The following CACNA2D2 variants were observed in gnomAD, a reference collection of about 807,000 sequenced individuals.
CACNA2D2 encodes the protein calcium voltage-gated channel auxiliary subunit alpha2delta 2, also known as voltage-dependent calcium channel subunit alpha-2/delta-2.
CACNA2D2 carries 48 observed loss-of-function variants against 166.4 expected under a neutral mutation model. The ratio of observed to expected loss-of-function variants is 0.29; its 90% CI spans 0.23 to 0.37. The LOEUF is 0.37. CACNA2D2 is among the 10% of genes least tolerant of loss of function. CACNA2D2 has a pLI of 1.00. For synonymous variants in CACNA2D2, 561 were observed against 573.7 expected (o/e 0.98, Z 0.32); for missense variants, 1,122 against 1,433.0 (o/e 0.78, Z 3.50).
chr3:50,475,488 T>C (rs1194629897), intron 2 of CACNA2D2, among the ~76,000 whole-genome samples: 2 of 152,058 alleles, frequency 1.3e-5, no homozygotes, highest in African/African-American at 4.8e-5. Context: ...CATCTCCACG[T>C]AGAGAGCAAT....
chr3:50,483,243 C>T (rs758983439), intron 1 of CACNA2D2, among the ~76,000 whole-genome samples: 3 of 152,156 alleles, frequency 2.0e-5, no homozygotes, highest in Non-Finnish European at 4.4e-5. Context: ...CCAGGAGCAC[C>T]GTCCCCATCT....
At position 50,379,679 on chromosome 3, in the gene CACNA2D2, C is replaced by T; in HGVS notation, c.993+46G>A. The T allele has an allele frequency of 1.2e-6, 2 of 1,612,360 alleles. No homozygotes were observed. Among genetic ancestry groups the T allele is most frequent in the South Asian group, 1.1e-5 (1 of 91,014 alleles). On this transcript the variant is annotated intron_variant, in intron 10 of 37. Transcript: ENST00000424201. The surrounding 1 kb of genome is among the most constrained non-coding windows in gnomAD (Gnocchi z 6.5). ...GCTGGTGATGGTCACAGGAGCAGGG[C>T]AGATGGGGTGACCCATTTCACCCCG...
At chr3:50,450,316 C>T (rs1177482565) in intron 2 of CACNA2D2, among the ~76,000 whole-genome samples, 2 of 151,796 alleles carry the variant, frequency 1.3e-5, no homozygotes, top group East Asian at 1.9e-4. Flanking sequence ...TGCAAATGGG[C>T]CCCAAGCCCC....
In CACNA2D2 at chr3:50,379,041, C is replaced by T; in HGVS notation, c.1261-48G>A. On this transcript the variant is annotated intron_variant, in intron 12 of 37. Coordinates refer to ENST00000424201, the MANE Select transcript of CACNA2D2 (RefSeq NM_006030.4). This position sits in a 1 kb window ranked among gnomAD's most constrained non-coding sequence, Gnocchi z 6.5. ...GCTGTGGCCACCAGGGGACAGCCCT[C>T]TTCTGTACTGGGCCCAGGTCAGGGT... 1 of 1,613,456 alleles carries T rather than the reference C, an allele frequency of 6.2e-7. No individual in the cohort carries two copies. Among genetic ancestry groups the T allele is most frequent in the Non-Finnish European group, 8.5e-7 (1 of 1,179,544 alleles).
At chr3:50,368,498 C>G (rs763644038) in intron 23 of CACNA2D2, among the ~76,000 whole-genome samples, 2 of 152,168 alleles carry the variant, frequency 1.3e-5, no homozygotes, top group African/African-American at 4.8e-5. Flanking sequence ...CAGAGCCTCC[C>G]GTCTCTCCGG....
At chr3:50,470,296 C>T (rs1203494066) in intron 2 of CACNA2D2, among the ~76,000 whole-genome samples, 1 of 152,198 alleles carries the variant, frequency 6.6e-6, no homozygotes, top group Non-Finnish European at 1.5e-5. Flanking sequence ...GAAGGGGACC[C>T]ATACCTGGCC....
At chr3:50,399,869 GGA>G in intron 3 of CACNA2D2, among the ~76,000 whole-genome samples, 1 of 152,260 alleles carries the variant, frequency 6.6e-6, no homozygotes, top group East Asian at 1.9e-4. Flanking sequence ...CCTTCTCCTA[GGA>G]GAGAGGATCA....
intron 24 of CACNA2D2, 68 bp downstream of exon 24, chr3:50,368,070 G>T: frequency 1.5e-6 from 2 of 1,299,958 alleles, no homozygotes; most frequent in Non-Finnish European, 2.2e-6. Flanking sequence ...CCGGCCTCTG[G>T]GTTCCTCTGG....
intron 3 of CACNA2D2, among the ~76,000 whole-genome samples, chr3:50,430,561 CCTT>C (rs1377453910): frequency 1.3e-5 from 2 of 152,232 alleles, no homozygotes; most frequent in Non-Finnish European, 2.9e-5. Context: ...CCGGGCCTGT[CCTT>C]CATCACTGCA....
Position 50,363,870 on chromosome 3 carries a change from G to A in CACNA2D2, c.*796C>T, listed in dbSNP as rs1704064951. 6.5e-6 allele frequency: 1 copy of A among 152,676 alleles called. No homozygotes were observed. Among genetic ancestry groups the A allele is most frequent in the Non-Finnish European group, 1.5e-5 (1 of 68,176 alleles). 9.5% of individuals were successfully genotyped at this position (152,676 alleles called of 1,614,324 possible). On this transcript the variant is annotated 3_prime_UTR_variant, in exon 38 of 38. Transcript: ENST00000424201. ...TTCAGCTTTAGAAATGGGAGGACCA[G>A]CCAGGCTGCAGCTCAGATTAGAGGC...
intron 22 of CACNA2D2, chr3:50,373,029 G>A (rs1157433723): frequency 6.5e-7 from 1 of 1,526,912 alleles, no homozygotes; most frequent in African/African-American, 1.4e-5. Context: ...GGGAGGGGTG[G>A]GAAGAGGAGG....
intron 22 of CACNA2D2, among the ~76,000 whole-genome samples, chr3:50,371,759 G>C (rs116702923): frequency 1.1e-4 from 17 of 152,138 alleles, no homozygotes; most frequent in Non-Finnish European, 2.2e-4. Flanking sequence ...GAAGGGGTTG[G>C]GGGGAAGAGG....
At chr3:50,392,695 G>T (rs544572840) in intron 4 of CACNA2D2, among the ~76,000 whole-genome samples, 2 of 152,336 alleles carry the variant, frequency 1.3e-5, no homozygotes, top group South Asian at 4.1e-4. Flanking sequence ...GATGTGTGCA[G>T]TGATTCCTTC....
At chr3:50,489,382 A>G (rs1377316744) in intron 1 of CACNA2D2, among the ~76,000 whole-genome samples, 1 of 152,224 alleles carries the variant, frequency 6.6e-6, no homozygotes, top group East Asian at 1.9e-4. Context: ...GCGCTGGCTC[A>G]GGAACCGTGT....
intron 1 of CACNA2D2, among the ~76,000 whole-genome samples, chr3:50,502,838 A>T (rs1047567091): frequency 6.6e-6 from 1 of 151,858 alleles, no homozygotes; most frequent in East Asian, 1.9e-4. Flanking sequence ...CGCGGCTCCA[A>T]CTCCGCCGGA....
chr3:50,433,285 T>A lies in CACNA2D2; in HGVS notation c.405+1028A>T, dbSNP rs144577462. Among the ~76,000 whole-genome samples the A allele has an allele frequency of 2.0e-5, 3 of 152,328 alleles. No homozygotes were observed. In the East Asian group the frequency reaches 5.8e-4, roughly 29 times the overall value. On this transcript the variant is annotated intron_variant, in intron 3 of 37. Transcript: ENST00000424201. ...GTCTTTTGTAACTGACTTCTTTCAC[T>A]TAGCATAATGTTTTTGGGTTCATCC...
intron 22 of CACNA2D2, among the ~76,000 whole-genome samples, chr3:50,372,519 C>T (rs937730731): frequency 4.6e-5 from 7 of 152,298 alleles, no homozygotes; most frequent in East Asian, 3.9e-4. Flanking sequence ...AGCATCAGGG[C>T]GTGAGGCTTC....
Position 50,420,249 on chromosome 3 carries a change from A to T in CACNA2D2, c.405+14064T>A, listed in dbSNP as rs991635477. Among the ~76,000 whole-genome samples the T allele has an allele frequency of 3.3e-5, 5 of 152,340 alleles. No homozygotes were observed. In the East Asian group the frequency reaches 9.6e-4, roughly 29 times the overall value. On this transcript the variant is annotated intron_variant, in intron 3 of 37. Transcript: ENST00000424201. ...GGAGAGCAGAAAAGTAGGCCATGCCAGCTGAAGGCTCCATGCATGGTCCTC... is the reference window on the plus strand; with the variant it reads ...GGAGAGCAGAAAAGTAGGCCATGCCTGCTGAAGGCTCCATGCATGGTCCTC...
At chr3:50,441,017 G>A (rs943792857) in intron 2 of CACNA2D2, among the ~76,000 whole-genome samples, 10 of 152,082 alleles carry the variant, frequency 6.6e-5, no homozygotes, top group South Asian at 6.2e-4. Flanking sequence ...TGGGAGAAGC[G>A]GGGATAAGGG....
Sources: gnomAD v4.1 joint callset for allele counts (sites outside exome capture counted in the v4.1 genomes callset) on GRCh38, gnomAD v4.1.1 for gene constraint, Gnocchi (gnomAD v3.1) non-coding constraint, MANE v1.5 for transcripts, NCBI Gene and HGNC (gene_info 2026-07-23, HGNC 2026-07-21) for gene names.